The following ACOXL variants were observed in gnomAD, a reference collection of about 807,000 sequenced individuals.
The protein encoded by ACOXL is acyl-CoA oxidase like.
A neutral mutation model predicts 71.9 loss-of-function variants in ACOXL; 70 were observed. The observed-to-expected ratio is 0.97, with a 90% CI of 0.80 to 1.19. The LOEUF is 1.19. Ranked by LOEUF, ACOXL falls within the 50% of genes most tolerant of loss-of-function variation. The pLI, the probability that ACOXL is intolerant of heterozygous loss-of-function variation, is 0.00. For missense variants in ACOXL, 703 were observed against 736.3 expected (o/e 0.95, Z 0.52); for synonymous variants, 253 against 281.6 (o/e 0.90, Z 1.02).
At chr2:110,976,971 G>A (rs1175280749) in intron 12 of ACOXL, among the ~76,000 whole-genome samples, 2 of 152,140 alleles carry the variant, frequency 1.3e-5, no homozygotes, top group Admixed American at 6.5e-5. Context: ...CTTAAAAATG[G>A]TTATTTCTGG....
chr2:110,889,231 T>G (rs748571045), intron 10 of ACOXL, among the ~76,000 whole-genome samples: 2 of 152,226 alleles, frequency 1.3e-5, no homozygotes, highest in East Asian at 3.8e-4. Flanking sequence ...ACACCTATGA[T>G]GAGATGCAGG....
chr2:110,884,058 C>A (rs928247926), intron 10 of ACOXL, among the ~76,000 whole-genome samples: 2 of 152,166 alleles, frequency 1.3e-5, no homozygotes, highest in African/African-American at 4.8e-5. Context: ...GGTTTTTCAG[C>A]TGGGCCTGAG....
intron 14 of ACOXL, among the ~76,000 whole-genome samples, chr2:111,021,518 C>G (rs1271965586): frequency 6.6e-6 from 1 of 152,174 alleles, no homozygotes; most frequent in African/African-American, 2.4e-5. Flanking sequence ...CACCAGTGAG[C>G]CGCTGGCTAC....
chr2:110,804,020 T>G (rs1460867912), intron 8 of ACOXL, among the ~76,000 whole-genome samples: 6 of 148,936 alleles, frequency 4.0e-5, no homozygotes, highest in Non-Finnish European at 8.9e-5. Flanking sequence ...GGAGTCTTGC[T>G]GTGTCGCCCA....
intron 2 of ACOXL, among the ~76,000 whole-genome samples, chr2:110,779,148 A>G (rs1355546266): frequency 1.3e-5 from 2 of 152,258 alleles, no homozygotes; most frequent in Admixed American, 1.3e-4. Context: ...AGACAGAGCC[A>G]TGGGAATGTC....
rs553351606 is a variant in ACOXL at position 111,055,131 on chromosome 2, T to A, written c.1440+5843T>A. ...GGCATAGTAATTGAGCCATTCAGTA[T>A]CCAGCATGGGGACTGGTCCTGCAGG... On this transcript the variant is annotated intron_variant, in intron 16 of 17. Transcript: ENST00000439055. 1.6e-4 allele frequency among the ~76,000 whole-genome samples: 24 copies of A among 152,270 alleles called. No homozygotes were observed. In the South Asian group the frequency reaches 4.8e-3, roughly 30 times the overall value.
intron 9 of ACOXL, among the ~76,000 whole-genome samples, chr2:110,830,931 G>A (rs1386621232): frequency 6.6e-6 from 1 of 152,146 alleles, no homozygotes; most frequent in East Asian, 1.9e-4. Flanking sequence ...ACAAAATTCA[G>A]CACCAATTCA....
At chr2:111,109,671 A>ATT (rs869081161) in intron 17 of ACOXL, among the ~76,000 whole-genome samples, 14,428 of 75,352 alleles carry the variant, frequency 0.19, 3,028 homozygotes, top group Non-Finnish European at 0.22. Flanking sequence ...TTCTCCTTCT[A>ATT]TTTTTTTTTT....
rs1249203919 is a variant in ACOXL, at chr2:110,995,913, A to G, written c.1190A>G (p.Asp397Gly). The G allele has an allele frequency of 1.2e-6, 2 of 1,614,006 alleles. No homozygotes were observed. Among genetic ancestry groups the G allele is most frequent in the Admixed American group, 3.3e-5 (2 of 60,002 alleles). The change falls in exon 14 of 18, where the codon GAC (aspartate) becomes GGC (glycine). Residue 397 changes from aspartate to glycine, a missense_variant. By Grantham distance (94) the Asp-to-Gly change is moderately conservative. Transcript: ENST00000439055. ...TTCAGTTTCCTGGCATTTAACATGG[A>G]CACAGTTGATGATCTCGCCTTTCTG... ...LRTSFLAFNM[D>G]TVDDLAFLLK...
rs57292148 is a variant in ACOXL, at chr2:110,768,492, T to TTGTGTGTGTGTGTGTGTGTGTG, written c.75+29_75+50dup. On this transcript the variant is annotated intron_variant, in intron 2 of 17. Transcript: ENST00000439055. ...AAGTGTCATTATTATTCTGGTATGGTTGTGTGTGTGTGTGTGTGTGTGAGA... is the reference window on the plus strand; with the variant it reads ...AAGTGTCATTATTATTCTGGTATGGTTGTGTGTGTGTGTGTGTGTGTGTGTGTGTGTGTGTGTGTGTGTGAGA... 8.0e-4 allele frequency: 1,025 copies of TTGTGTGTGTGTGTGTGTGTGTG among 1,279,754 alleles called. 13 individuals are homozygous for TTGTGTGTGTGTGTGTGTGTGTG. The African/African-American group carries it at 0.014, about 17-fold the overall frequency. The allele number at this position is 1,279,754 out of a possible 1,614,324, so 79.3% of individuals were successfully genotyped here.
intron 10 of ACOXL, among the ~76,000 whole-genome samples, chr2:110,847,129 C>A (rs540446780): frequency 2.6e-5 from 4 of 152,124 alleles, no homozygotes; most frequent in African/African-American, 9.6e-5. Flanking sequence ...CAGATAACAG[C>A]TCTCGGGGCC....
intron 11 of ACOXL, among the ~76,000 whole-genome samples, chr2:110,930,761 T>TGTAAA (rs1465562149): frequency 1.3e-5 from 2 of 152,186 alleles, no homozygotes; most frequent in Non-Finnish European, 2.9e-5. Context: ...ATCTAGTTGT[T>TGTAAA]TTACAAGAGG....
intron 14 of ACOXL, among the ~76,000 whole-genome samples, chr2:111,001,759 C>T (rs1389389966): frequency 6.6e-6 from 1 of 152,204 alleles, no homozygotes; most frequent in Non-Finnish European, 1.5e-5. Context: ...TAAGGAATAA[C>T]ACCTGAGGAG....
At chr2:110,762,072 T>C (rs1331334688) in intron 1 of ACOXL, among the ~76,000 whole-genome samples, 1 of 152,226 alleles carries the variant, frequency 6.6e-6, no homozygotes, top group African/African-American at 2.4e-5. Context: ...TGTGGATTGA[T>C]CCTTTTATAA....
At chr2:111,004,481 C>T (rs1467810428) in intron 14 of ACOXL, among the ~76,000 whole-genome samples, 1 of 152,078 alleles carries the variant, frequency 6.6e-6, no homozygotes, top group African/African-American at 2.4e-5. Context: ...CTTGGTGTAG[C>T]CAGAATTTCA....
intron 1 of ACOXL, among the ~76,000 whole-genome samples, chr2:110,752,339 C>A (rs56289191): frequency 6.6e-6 from 1 of 151,918 alleles, no homozygotes; most frequent in Non-Finnish European, 1.5e-5. Context: ...ACAAAAAATA[C>A]GTTGGGCATG....
intron 9 of ACOXL, among the ~76,000 whole-genome samples, chr2:110,831,421 G>A (rs1689808870): frequency 6.6e-6 from 1 of 152,140 alleles, no homozygotes; most frequent in Non-Finnish European, 1.5e-5. Flanking sequence ...TTTGCATGCT[G>A]AAAATTATAT....
chr2:110,805,411 TTTAAC>T lies in ACOXL; in HGVS notation c.753+21_753+25del, dbSNP rs1203486747. 1 of 1,614,016 alleles carries T rather than the reference TTTAAC, an allele frequency of 6.2e-7. No individual in the cohort carries two copies. The highest frequency in any genetic ancestry group is 8.5e-7 in the Non-Finnish European group (1 of 1,180,000). On this transcript the variant is annotated intron_variant, in intron 9 of 17. Coordinates refer to ENST00000439055, the MANE Select transcript of ACOXL (RefSeq NM_001142807.4). ...TGCCATGAAGGTAATTGACTCTGAT[TTTAAC>T]TTAATTATCTACTGTGAATTCTCTC...
rs1212862199 is a variant in ACOXL, at chr2:110,915,419, TA to T, written c.905+6515del. 5.5e-3 allele frequency among the ~76,000 whole-genome samples: 730 copies of T among 133,242 alleles called. 15 individuals carry two copies. The highest frequency in any genetic ancestry group is 0.021 in the African/African-American group (704 of 33,762). The allele number at this position is 133,242 out of a possible 152,430, so 87.4% of individuals were successfully genotyped here. A position where few individuals can be genotyped will look rare whatever the true frequency, so the allele number is the denominator to read the frequency against. On this transcript the variant is annotated intron_variant, in intron 11 of 17. Transcript: ENST00000439055. Reference sequence around the variant, plus strand: ...GTGTGTGTATATACATATATATATATATATATATATTTTTTTTTTTTTGAGA... The same window carrying T: ...GTGTGTGTATATACATATATATATATTATATATATTTTTTTTTTTTTGAGA...
Sources: gnomAD v4.1 joint callset for allele counts (sites outside exome capture counted in the v4.1 genomes callset) on GRCh38, gnomAD v4.1.1 for gene constraint, MANE v1.5 for transcripts, NCBI Gene and HGNC (gene_info 2026-07-23, HGNC 2026-07-21) for gene names.